Variants in ESR1 observed in about 807,000 individuals in gnomAD.
The protein encoded by ESR1 is estrogen receptor.
A neutral mutation model predicts 52.7 loss-of-function variants in ESR1; 12 were observed. That is an observed-to-expected ratio of 0.23 (90% CI 0.15 to 0.37). The LOEUF is 0.37. Among genes scored for constraint, ESR1 ranks in the 10% least tolerant of loss-of-function variants. The pLI is 1.00. For synonymous variants in ESR1, 305 were observed against 316.8 expected, an observed-to-expected ratio of 0.96 and a Z score of 0.39; for missense variants, 584 against 779.7, an observed-to-expected ratio of 0.75 and a Z score of 2.99.
chr6:151,883,705 C>T (rs908134396), intron 3 of ESR1, among the ~76,000 whole-genome samples: 18 of 152,114 alleles, frequency 1.2e-4, no homozygotes, highest in African/African-American at 4.3e-4. Flanking sequence ...GACTGGGTGG[C>T]TTAAGTAACG....
chr6:151,931,300 T>C (rs1278513507), intron 3 of ESR1, among the ~76,000 whole-genome samples: 1 of 152,204 alleles, frequency 6.6e-6, no homozygotes, highest in Admixed American at 6.5e-5. Context: ...GTTGAATCAA[T>C]TGATTAGTCC....
chr6:151,708,959 A>G (rs1222179271), intron 2 of ESR1, among the ~76,000 whole-genome samples: 1 of 152,188 alleles, frequency 6.6e-6, no homozygotes, highest in African/African-American at 2.4e-5. Context: ...TCATGAAGTT[A>G]TCATTTTTGT....
chr6:152,031,444 T>G (rs1480224144), intron 5 of ESR1, among the ~76,000 whole-genome samples: 1 of 151,996 alleles, frequency 6.6e-6, no homozygotes, highest in Non-Finnish European at 1.5e-5. Flanking sequence ...CAATAAAAAA[T>G]GATAAAGGGG....
chr6:151,841,597 AT>A (rs563614847), intron 1 of ESR1, among the ~76,000 whole-genome samples: 14 of 141,104 alleles, frequency 9.9e-5, no homozygotes, highest in African/African-American at 1.6e-4. Context: ...CTCTTCCTAC[AT>A]TTTTTTTTAG....
chr6:151,997,506 AT>A (rs1250965730), intron 4 of ESR1, among the ~76,000 whole-genome samples: 3 of 152,126 alleles, frequency 2.0e-5, no homozygotes, highest in Non-Finnish European at 4.4e-5. Context: ...ATAGGATAAT[AT>A]TATAGCTGTA....
intron 2 of ESR1, among the ~76,000 whole-genome samples, chr6:151,757,358 A>G (rs992504830): frequency 6.6e-6 from 1 of 152,208 alleles, no homozygotes; most frequent in Non-Finnish European, 1.5e-5. Context: ...GCTGGCCCCA[A>G]TCTTTTTATT....
At chr6:151,688,623 G>C (rs1778780176), upstream of ESR1, among the ~76,000 whole-genome samples, 1 of 150,972 alleles carries the variant, frequency 6.6e-6, no homozygotes, top group Non-Finnish European at 1.5e-5. Flanking sequence ...TGCATACTAG[G>C]GGAAAAAAAA....
chr6:151,764,316 T>C (rs977126725), intron 2 of ESR1, among the ~76,000 whole-genome samples: 3 of 152,152 alleles, frequency 2.0e-5, no homozygotes, highest in African/African-American at 2.4e-5. Context: ...GTGTTAAACA[T>C]ATGGAGTATG....
At position 151,659,987 on chromosome 6, in the gene ESR1, T is replaced by A. The variant is rs116337922; in HGVS notation, n.73+3224T>A. On this transcript the variant is annotated intron_variant and non_coding_transcript_variant, in intron 1 of 2. Coordinates refer to the ESR1 transcript ENST00000473497. ...AATATGGTAAAAAGAACACAGGAAT[T>A]GCTAGCACTTACCGTATGTCCATTT... is the stretch of plus-strand genomic sequence containing the variant. 2.8e-3 allele frequency among the ~76,000 whole-genome samples: 419 copies of A among 152,334 alleles called. 3 individuals carry two copies. The highest frequency in any genetic ancestry group is 9.5e-3 in the African/African-American group (395 of 41,580).
downstream of ESR1, among the ~76,000 whole-genome samples, chr6:152,104,496 G>GTATC (rs1300396466): frequency 6.6e-6 from 1 of 152,116 alleles, no homozygotes; most frequent in Non-Finnish European, 1.5e-5. Flanking sequence ...ATAGAATGAT[G>GTATC]GATATGTTTA....
chr6:151,899,485 C>T (rs1475555471), intron 3 of ESR1, among the ~76,000 whole-genome samples: 121 of 145,330 alleles, frequency 8.3e-4, no homozygotes, highest in Non-Finnish European at 1.2e-3. Flanking sequence ...GGCTGACCCC[C>T]CCACCTCCCT....
intron 3 of ESR1, among the ~76,000 whole-genome samples, chr6:151,920,110 A>T (rs2031304828): frequency 6.6e-6 from 1 of 152,132 alleles, no homozygotes; most frequent in Non-Finnish European, 1.5e-5. Flanking sequence ...TACCAACTTC[A>T]TGGTCTTCAG....
chr6:151,677,591 G>T (rs186049086), intron 1 of ESR1, among the ~76,000 whole-genome samples: 1 of 152,182 alleles, frequency 6.6e-6, no homozygotes, highest in Admixed American at 6.5e-5. Flanking sequence ...TGATTACGCA[G>T]CATTTGTTCC....
chr6:152,121,511 G>A (rs1480169758), intron 6 of ESR1, among the ~76,000 whole-genome samples: 1 of 152,104 alleles, frequency 6.6e-6, no homozygotes, highest in Non-Finnish European at 1.5e-5. Context: ...ATCACCTGGG[G>A]TCTTCTATGT....
intron 2 of ESR1, among the ~76,000 whole-genome samples, chr6:151,703,180 AT>A (rs1163640240): frequency 1.3e-5 from 2 of 152,138 alleles, no homozygotes; most frequent in African/African-American, 4.8e-5. Flanking sequence ...TTTCAGGAAA[AT>A]TTTTAGCTGG....
intron 3 of ESR1, among the ~76,000 whole-genome samples, chr6:151,894,457 T>C (rs1172797947): frequency 6.6e-6 from 1 of 152,220 alleles, no homozygotes; most frequent in Admixed American, 6.5e-5. Context: ...CATAAAATCC[T>C]TGCCTAAGCC....
Position 152,100,320 on chromosome 6 carries a change from ACT to A in ESR1, c.*1355_*1356del, listed in dbSNP as rs2050919593. ...ACCGTTGCTGTCACTACTCAGGCTG[ACT>A]GGGGCCTGGTCAGATTACGTATGCC... is the stretch of plus-strand genomic sequence containing the variant. On this transcript the variant is annotated 3_prime_UTR_variant, in exon 8 of 8. Coordinates refer to ENST00000206249, the MANE Select transcript of ESR1 (RefSeq NM_000125.4). 7 of 384,130 alleles carry A rather than the reference ACT, an allele frequency of 1.8e-5. No homozygotes were observed. The South Asian group carries it at 7.3e-4, about 40-fold the overall frequency. The allele number at this position is 384,130 out of a possible 1,614,324, so 23.8% of individuals were successfully genotyped here.
chr6:152,056,494 A>G (rs2047115654), intron 5 of ESR1, among the ~76,000 whole-genome samples: 2 of 152,202 alleles, frequency 1.3e-5, no homozygotes, highest in Non-Finnish European at 2.9e-5. Flanking sequence ...ATACAAGTGA[A>G]GGTTTGATCT....
At chr6:151,938,213 T>C (rs1365804345) in intron 3 of ESR1, among the ~76,000 whole-genome samples, 1 of 152,156 alleles carries the variant, frequency 6.6e-6, no homozygotes, top group Non-Finnish European at 1.5e-5. Flanking sequence ...ACTAGTTTTT[T>C]TTCTGGAAGC....
Sources: gnomAD v4.1 joint callset for allele counts (sites outside exome capture counted in the v4.1 genomes callset) on GRCh38, gnomAD v4.1.1 for gene constraint, MANE v1.5 for transcripts, NCBI Gene and HGNC (gene_info 2026-07-23, HGNC 2026-07-21) for gene names.